The following PTPRD variants were observed in gnomAD, a reference collection of about 807,000 sequenced individuals.
PTPRD encodes the protein receptor-type tyrosine-protein phosphatase delta.
Under a neutral mutation model 214.5 loss-of-function variants are expected in PTPRD, and 34 were observed. That is an observed-to-expected ratio of 0.16 (90% confidence interval 0.12 to 0.21). The LOEUF is 0.21. PTPRD is among the 10% of genes least tolerant of loss of function. PTPRD has a pLI of 1.00. For synonymous variants in PTPRD, 1,128 were observed against 845.7 expected (o/e 1.33, Z -5.79); for missense variants, 2,545 against 2,398.7 (o/e 1.06, Z -1.27).
At chr9:9,742,974 A>G (rs2098419624) in intron 6 of PTPRD, among the ~76,000 whole-genome samples, 1 of 152,196 alleles carries the variant, frequency 6.6e-6, no homozygotes, top group African/African-American at 2.4e-5. Flanking sequence ...AATAATTAAT[A>G]GGCATAACTG....
chr9:9,105,143 A>C (rs2099796711), intron 10 of PTPRD, among the ~76,000 whole-genome samples: 1 of 152,206 alleles, frequency 6.6e-6, no homozygotes, highest in Non-Finnish European at 1.5e-5. Flanking sequence ...CCTAATAATA[A>C]CTTCTTTGAA....
intron 10 of PTPRD, among the ~76,000 whole-genome samples, chr9:9,102,507 T>G (rs1023387606): frequency 1.3e-5 from 2 of 152,190 alleles, no homozygotes; most frequent in Admixed American, 1.3e-4. Context: ...TTCAGAAGCA[T>G]GTAAGCCAGA....
intron 35 of PTPRD, among the ~76,000 whole-genome samples, chr9:8,415,574 T>C (rs1263358431): frequency 1.3e-5 from 2 of 152,172 alleles, no homozygotes; most frequent in African/African-American, 4.8e-5. Flanking sequence ...CATAGACCTA[T>C]TGTTTGAGTA....
At chr9:9,292,375 T>A (rs1445120574) in intron 9 of PTPRD, among the ~76,000 whole-genome samples, 4 of 151,444 alleles carry the variant, frequency 2.6e-5, no homozygotes, top group Admixed American at 6.6e-5. Flanking sequence ...CCATTTACCA[T>A]TAGGTGACTG....
At chr9:9,766,093 CA>C (rs1246111102) in intron 6 of PTPRD, among the ~76,000 whole-genome samples, 11 of 152,226 alleles carry the variant, frequency 7.2e-5, no homozygotes, top group Admixed American at 6.5e-5. Context: ...CGACTGTCCT[CA>C]GGAATCTTAG....
At chr9:10,520,621 T>C (rs2051868409) in intron 2 of PTPRD, among the ~76,000 whole-genome samples, 1 of 152,118 alleles carries the variant, frequency 6.6e-6, no homozygotes, top group Non-Finnish European at 1.5e-5. Flanking sequence ...CCTTCATAGC[T>C]AGAGAAGGGA....
At chr9:9,173,477 G>A (rs2099922724) in intron 10 of PTPRD, among the ~76,000 whole-genome samples, 1 of 152,064 alleles carries the variant, frequency 6.6e-6, no homozygotes, top group African/African-American at 2.4e-5. Flanking sequence ...AAACATCATA[G>A]AGTGTCCTTA....
chr9:9,401,897 G>T (rs775283179), intron 8 of PTPRD, among the ~76,000 whole-genome samples: 2 of 151,824 alleles, frequency 1.3e-5, no homozygotes, highest in African/African-American at 4.8e-5. Context: ...TTCTCCTTCC[G>T]CCATTATTGT....
At chr9:9,403,243 A>G (rs531051141) in intron 8 of PTPRD, among the ~76,000 whole-genome samples, 1 of 122,182 alleles carries the variant, frequency 8.2e-6, no homozygotes, top group Non-Finnish European at 1.6e-5. Flanking sequence ...GTAAGCTGAC[A>G]TTGTGCCACT....
At chr9:9,649,754 AC>A (rs2096286211) in intron 7 of PTPRD, among the ~76,000 whole-genome samples, 1 of 152,214 alleles carries the variant, frequency 6.6e-6, no homozygotes, top group Non-Finnish European at 1.5e-5. Context: ...AGATATATTT[AC>A]CTGATTATTC....
chr9:9,914,607 G>A (rs1280581844), intron 5 of PTPRD, among the ~76,000 whole-genome samples: 4 of 152,262 alleles, frequency 2.6e-5, no homozygotes, highest in Admixed American at 6.5e-5. Context: ...TTCCGAGTAC[G>A]TGTTTACCGC....
chr9:10,287,510 A>G (rs2095398205), intron 3 of PTPRD, among the ~76,000 whole-genome samples: 1 of 152,144 alleles, frequency 6.6e-6, no homozygotes, highest in African/African-American at 2.4e-5. Context: ...GTATCTACAT[A>G]ATGATGCCGC....
intron 8 of PTPRD, among the ~76,000 whole-genome samples, chr9:9,525,236 C>G (rs1438718628): frequency 6.6e-6 from 1 of 152,112 alleles, no homozygotes; most frequent in African/African-American, 2.4e-5. Flanking sequence ...ATCTGGTCCT[C>G]TTTGACATTT....
At chr9:10,015,025 T>C (rs1470926927) in intron 4 of PTPRD, among the ~76,000 whole-genome samples, 1 of 152,236 alleles carries the variant, frequency 6.6e-6, no homozygotes, top group Non-Finnish European at 1.5e-5. Flanking sequence ...AGTTCTATTA[T>C]GGGTAATCCA....
chr9:10,602,073 A>T (rs2133389250), intron 2 of PTPRD, among the ~76,000 whole-genome samples: 1 of 151,854 alleles, frequency 6.6e-6, no homozygotes, highest in Non-Finnish European at 1.5e-5. Context: ...TATTTTATAT[A>T]TTTTAACTTC....
rs201651279 is a variant in PTPRD, at chr9:8,340,407, C to T, written c.5189G>A (p.Arg1730Gln). 16 of 1,610,162 alleles carry T rather than the reference C, an allele frequency of 9.9e-6. No individual in the cohort carries two copies. The highest frequency in any genetic ancestry group is 3.3e-5 in the Admixed American group (2 of 59,830). ...PLAETTEDFW[R>Q]MLWEHNSTIV... is the part of the protein sequence containing the mutation. ...GGTGGAATTGTGTTCCCAGAGCATCCGCCAGAAGTCTTCAGTGGTCTCTGC... is the reference window on the plus strand; with the variant it reads ...GGTGGAATTGTGTTCCCAGAGCATCTGCCAGAAGTCTTCAGTGGTCTCTGC... The change falls in exon 42 of 46, where the codon CGG (arginine) becomes CAG (glutamine). Residue 1730 changes from arginine (R) to glutamine (Q), a missense_variant. Transcript: ENST00000381196.
At chr9:10,449,256 G>C (rs1460034057) in intron 2 of PTPRD, among the ~76,000 whole-genome samples, 1 of 151,890 alleles carries the variant, frequency 6.6e-6, no homozygotes, top group Non-Finnish European at 1.5e-5. Flanking sequence ...GGCCGGGCTG[G>C]TCTCCAGCTC....
At chr9:10,434,226 C>T (rs1021229769) in intron 2 of PTPRD, among the ~76,000 whole-genome samples, 1 of 151,750 alleles carries the variant, frequency 6.6e-6, no homozygotes, top group African/African-American at 2.4e-5. Context: ...ATATGCATCA[C>T]TCAGTCTCCC....
At chr9:10,439,757 C>T (rs2098746948) in intron 2 of PTPRD, among the ~76,000 whole-genome samples, 1 of 151,730 alleles carries the variant, frequency 6.6e-6, no homozygotes, top group Non-Finnish European at 1.5e-5. Context: ...CCCTCTCTTA[C>T]TTTCTCTGTG....
Sources: gnomAD v4.1 joint callset for allele counts (sites outside exome capture counted in the v4.1 genomes callset) on GRCh38, gnomAD v4.1.1 for gene constraint, MANE v1.5 for transcripts, NCBI Gene and HGNC (gene_info 2026-07-23, HGNC 2026-07-21) for gene names.